The following AACS variants were observed in gnomAD, a reference collection of about 807,000 sequenced individuals.
AACS encodes acetoacetate-CoA ligase.
Under a neutral mutation model 83.1 loss-of-function variants are expected in AACS, and 69 were observed. The ratio of observed to expected loss-of-function variants is 0.83; its 90% CI spans 0.68 to 1.01. The LOEUF (loss-of-function observed/expected upper bound fraction) is 1.01, where lower values mean the gene tolerates loss of function less well. Ranked by LOEUF, AACS falls within the 50% of genes least tolerant of loss-of-function variation. The pLI is 0.00. For missense variants in AACS, 866 were observed against 882.2 expected (o/e 0.98, Z 0.23); for synonymous variants, 333 against 343.4 (o/e 0.97, Z 0.33).
chr12:125,116,612 C>T (rs949669988), intron 9 of AACS, among the ~76,000 whole-genome samples: 30 of 152,028 alleles, frequency 2.0e-4, no homozygotes, highest in African/African-American at 7.0e-4. Context: ...TACAGGCGCC[C>T]GCCCCCACGC....
At chr12:125,081,962 G>A (rs1019079214) in intron 3 of AACS, among the ~76,000 whole-genome samples, 1 of 151,120 alleles carries the variant, frequency 6.6e-6, no homozygotes, top group Non-Finnish European at 1.5e-5. Context: ...TGCAGCCTCC[G>A]CCTCCTGGCT....
intron 1 of AACS, among the ~76,000 whole-genome samples, chr12:125,073,531 T>C (rs1306415397): frequency 6.6e-6 from 1 of 152,214 alleles, no homozygotes; most frequent in African/African-American, 2.4e-5. Flanking sequence ...TTATTAATTA[T>C]CCCCATTTTG....
intron 12 of AACS, chr12:125,125,779 C>T (rs964546048): frequency 6.6e-6 from 1 of 151,236 alleles, no homozygotes; most frequent in Admixed American, 6.6e-5. Context: ...ATTAGAAGTG[C>T]ATGAAATACA....
At chr12:125,099,988 T>A (rs1956682252) in intron 5 of AACS, among the ~76,000 whole-genome samples, 1 of 152,182 alleles carries the variant, frequency 6.6e-6, no homozygotes, top group Admixed American at 6.5e-5. Flanking sequence ...AATGCATTTT[T>A]TCTTCTTGAC....
At chr12:125,114,287 G>T (rs554417580) in intron 8 of AACS, 190 bp from the exon 9 acceptor site, 11 of 485,800 alleles carry the variant, frequency 2.3e-5, no homozygotes, top group Non-Finnish European at 4.0e-5. Flanking sequence ...TGGGGGAGAG[G>T]GACATGGGGG....
rs1592965487 is a variant in AACS at position 125,094,624 on chromosome 12, C to G, written c.570+3101C>G. ...ACGCGTTTCTGGCCTCCGTCACTCCCCTGTGCTTTACTTCTACCCATTCCA... is the reference window on the plus strand; with the variant it reads ...ACGCGTTTCTGGCCTCCGTCACTCCGCTGTGCTTTACTTCTACCCATTCCA... On this transcript the variant is annotated intron_variant, in intron 5 of 17. Coordinates refer to ENST00000316519, the MANE Select transcript of AACS (RefSeq NM_023928.5). This position sits in a 1 kb window ranked among gnomAD's most constrained non-coding sequence, Gnocchi z 4.1. Among the ~76,000 whole-genome samples, 1 of 152,156 alleles carries G rather than the reference C, an allele frequency of 6.6e-6. No homozygotes were observed. Among genetic ancestry groups the G allele is most frequent in the East Asian group, 1.9e-4 (1 of 5,188 alleles).
chr12:125,128,381 C>A, intron 13 of AACS, 107 bp downstream of exon 13: 2 of 970,996 alleles, frequency 2.1e-6, no homozygotes, highest in South Asian at 2.0e-5. Context: ...AAACAGCCCT[C>A]GGAGGGGAGG....
chr12:125,089,322 G>C (rs1411197705), intron 4 of AACS, among the ~76,000 whole-genome samples: 2 of 152,160 alleles, frequency 1.3e-5, no homozygotes, highest in Non-Finnish European at 2.9e-5. Context: ...CCACTGCAGG[G>C]GGGAGAAGGA....
At chr12:125,138,778 A>C (rs974014325) in intron 17 of AACS, 1 of 152,018 alleles carries the variant, frequency 6.6e-6, no homozygotes, top group Admixed American at 6.5e-5. Flanking sequence ...CAGATTTTTG[A>C]ATGCCCTTAC....
intron 12 of AACS, among the ~76,000 whole-genome samples, chr12:125,125,470 A>G (rs907924324): frequency 2.0e-5 from 3 of 152,170 alleles, no homozygotes; most frequent in African/African-American, 7.2e-5. Context: ...CAAGGCAGGG[A>G]GGCTGTGTCG....
intron 3 of AACS, among the ~76,000 whole-genome samples, chr12:125,080,712 G>T (rs1357704483): frequency 6.6e-6 from 1 of 151,328 alleles, no homozygotes; most frequent in Non-Finnish European, 1.5e-5. Context: ...TTTATTTTGA[G>T]ACAGAGTCTA....
chr12:125,133,963 TTC>T, intron 14 of AACS, 38 bp from the exon 15 acceptor site: 1 of 1,610,208 alleles, frequency 6.2e-7, no homozygotes. Context: ...TCATGGCCCC[TTC>T]TCCTCGGGAT....
At chr12:125,115,438 T>A (rs1014559647) in intron 9 of AACS, among the ~76,000 whole-genome samples, 1 of 151,968 alleles carries the variant, frequency 6.6e-6, no homozygotes, top group Non-Finnish European at 1.5e-5. Flanking sequence ...TTTTTTGTAT[T>A]TTTAGTAGAG....
rs150839397 is a variant in AACS at position 125,068,366 on chromosome 12, G to A, written c.133+2649G>A. On this transcript the variant is annotated intron_variant, in intron 1 of 17. Transcript: ENST00000316519. ...CCCAGCTACTCTGGAGACTAAGGTG[G>A]GAGGGTTGCTGGAGCCCAGGAGGTG... Among the ~76,000 whole-genome samples the A allele has an allele frequency of 5.3e-3, 811 of 152,300 alleles. 5 individuals are homozygous for A. Among genetic ancestry groups the A allele is most frequent in the Non-Finnish European group, 9.5e-3 (645 of 68,024 alleles).
Position 125,086,331 on chromosome 12 carries a change from G to A in AACS, c.360G>A (p.Arg120=). The A allele has an allele frequency of 1.2e-6, 2 of 1,614,028 alleles. No individual in the cohort carries two copies. Among genetic ancestry groups the A allele is most frequent in the Non-Finnish European group, 1.7e-6 (2 of 1,179,936 alleles). Residue 120 remains arginine, a splice_region_variant and synonymous_variant, in exon 4 of 18, where the codon AGG becomes AGA. Coordinates refer to ENST00000316519, the MANE Select transcript of AACS (RefSeq NM_023928.5). ...ENDRVALYIA[R]EGKEEIVKVT... is the part of the protein sequence containing the mutation. Reference sequence around the variant, plus strand: ...AATTTACCCTTTTTCTCTTCCCAGGGGAAGGCAAAGAGGAAATTGTGAAGG... The same window carrying A: ...AATTTACCCTTTTTCTCTTCCCAGGAGAAGGCAAAGAGGAAATTGTGAAGG...
At chr12:125,127,633 G>A (rs1210797612) in intron 12 of AACS, 2 of 152,146 alleles carry the variant, frequency 1.3e-5, no homozygotes, top group African/African-American at 4.8e-5. Context: ...TAGTAGAGAT[G>A]GGGTCTCACC....
At chr12:125,112,212 T>C (rs1332207851) in intron 8 of AACS, among the ~76,000 whole-genome samples, 1 of 152,186 alleles carries the variant, frequency 6.6e-6, no homozygotes, top group East Asian at 1.9e-4. Context: ...TCATGTAACT[T>C]TCTAAGAAGC....
chr12:125,093,771 T>G (rs1354266973), intron 5 of AACS, among the ~76,000 whole-genome samples: 1 of 152,224 alleles, frequency 6.6e-6, no homozygotes, highest in Non-Finnish European at 1.5e-5. Flanking sequence ...TCGCTCATTT[T>G]GCTAGTGTCC....
intron 9 of AACS, among the ~76,000 whole-genome samples, chr12:125,115,536 A>T (rs763875156): frequency 1.3e-5 from 2 of 152,184 alleles, no homozygotes; most frequent in African/African-American, 2.4e-5. Context: ...CTGGGATTAC[A>T]GGCGTGAGCC....
Sources: gnomAD v4.1 joint callset for allele counts (sites outside exome capture counted in the v4.1 genomes callset) on GRCh38, gnomAD v4.1.1 for gene constraint, Gnocchi (gnomAD v3.1) non-coding constraint, MANE v1.5 for transcripts, NCBI Gene and HGNC (gene_info 2026-07-23, HGNC 2026-07-21) for gene names.